Variants in FRMD4B observed in about 807,000 individuals in gnomAD.
The protein encoded by FRMD4B is FERM domain-containing protein 4B.
Under a neutral mutation model 141.5 loss-of-function variants are expected in FRMD4B, and 74 were observed. The observed-to-expected ratio is 0.52, with a 90% CI of 0.43 to 0.63. FRMD4B has a LOEUF of 0.63. Ranked by LOEUF, FRMD4B falls within the 30% of genes least tolerant of loss-of-function variation. The pLI is 0.00. For synonymous variants in FRMD4B, 506 were observed against 467.9 expected (o/e 1.08, Z -1.05); for missense variants, 1,366 against 1,253.4 (o/e 1.09, Z -1.36).
In FRMD4B at chr3:69,237,079, T is replaced by C. The variant is rs560064540; in HGVS notation, c.581+12147A>G. Among the ~76,000 whole-genome samples the C allele has an allele frequency of 3.9e-5, 6 of 152,336 alleles. No homozygotes were observed. In the South Asian group the frequency reaches 1.2e-3, roughly 32 times the overall value. On this transcript the variant is annotated intron_variant, in intron 7 of 22. Coordinates refer to ENST00000398540, the MANE Select transcript of FRMD4B (RefSeq NM_015123.3). ...CACAGATGAGAGAAACAAGACCCACTGAAGTTTGAAAACTTACCAAAGTTC... is the reference window on the plus strand; with the variant it reads ...CACAGATGAGAGAAACAAGACCCACCGAAGTTTGAAAACTTACCAAAGTTC...
intron 2 of FRMD4B, among the ~76,000 whole-genome samples, chr3:69,430,166 G>A (rs1705156084): frequency 1.3e-5 from 2 of 152,130 alleles, no homozygotes; most frequent in Admixed American, 6.5e-5. Flanking sequence ...TATTGAGTAG[G>A]AATGCACACA....
chr3:69,219,816 C>G (rs1324228441), intron 9 of FRMD4B, among the ~76,000 whole-genome samples: 1 of 152,138 alleles, frequency 6.6e-6, no homozygotes, highest in Non-Finnish European at 1.5e-5. Flanking sequence ...TGTTCTCCTC[C>G]CTGTCTCCAT....
chr3:69,201,925 C>T (rs1248236957), intron 11 of FRMD4B, among the ~76,000 whole-genome samples: 3 of 152,182 alleles, frequency 2.0e-5, no homozygotes, highest in South Asian at 4.1e-4. Flanking sequence ...GTGGGTTGGC[C>T]GGGCGCAGTG....
chr3:69,185,755 A>G (rs928735971), intron 19 of FRMD4B, among the ~76,000 whole-genome samples: 4 of 152,168 alleles, frequency 2.6e-5, no homozygotes, highest in Admixed American at 6.5e-5. Flanking sequence ...TAAGTACTCA[A>G]TAGCGGCCAG....
At chr3:69,302,267 TA>T in intron 4 of FRMD4B, 75 bp downstream of exon 4, 1 of 751,276 alleles carries the variant, frequency 1.3e-6, no homozygotes, top group African/African-American at 1.7e-5. Flanking sequence ...ATGTAAAAAA[TA>T]GCAAAGAAAA....
rs560512728 is a variant in FRMD4B at position 69,454,633 on chromosome 3, C to T, written c.-128-21872G>A. Among the ~76,000 whole-genome samples the T allele has an allele frequency of 1.2e-4, 19 of 152,332 alleles. No individual in the cohort carries two copies. The East Asian group carries it at 2.3e-3, about 19-fold the overall frequency. The stretch of plus-strand genomic sequence containing the variant: ...TCCCCCAGCACTGCCGGCCCGCCCA[C>T]GCCACACTCTAATTCTGGCCAGGCC... On this transcript the variant is annotated intron_variant, in intron 1 of 5. Coordinates refer to the FRMD4B transcript ENST00000459638.
At chr3:69,357,536 G>T (rs1367266918) in intron 1 of FRMD4B, among the ~76,000 whole-genome samples, 1 of 152,218 alleles carries the variant, frequency 6.6e-6, no homozygotes, top group Non-Finnish European at 1.5e-5. Flanking sequence ...TGACTTTGTG[G>T]AGGGTTTTAT....
intron 1 of FRMD4B, among the ~76,000 whole-genome samples, chr3:69,520,622 G>C (rs902787004): frequency 1.3e-5 from 2 of 151,800 alleles, no homozygotes; most frequent in African/African-American, 4.8e-5. Flanking sequence ...GAAACCCTTG[G>C]CCAAAAGGGG....
At chr3:69,390,024 G>A (rs1704347716), upstream of FRMD4B, among the ~76,000 whole-genome samples, 1 of 152,010 alleles carries the variant, frequency 6.6e-6, no homozygotes, top group African/African-American at 2.4e-5. Context: ...TGCTTCGGGT[G>A]GCAGCATTAC....
intron 1 of FRMD4B, among the ~76,000 whole-genome samples, chr3:69,383,783 C>T (rs1364652081): frequency 6.6e-6 from 1 of 152,170 alleles, no homozygotes; most frequent in African/African-American, 2.4e-5. Context: ...TGGTCTTGAA[C>T]TCCTGGGCTC....
At chr3:69,408,999 G>C (rs1308332125) in intron 2 of FRMD4B, among the ~76,000 whole-genome samples, 1 of 152,122 alleles carries the variant, frequency 6.6e-6, no homozygotes, top group East Asian at 1.9e-4. Context: ...GCTTGGCTTG[G>C]CATCTGTAAA....
intron 1 of FRMD4B, among the ~76,000 whole-genome samples, chr3:69,331,037 G>A (rs909678018): frequency 2.7e-5 from 4 of 150,254 alleles, no homozygotes; most frequent in African/African-American, 1.0e-4. Context: ...AGGAACGAAC[G>A]TGTCTTGTGA....
At chr3:69,454,877 G>A (rs1001255875) in intron 1 of FRMD4B, among the ~76,000 whole-genome samples, 3 of 152,264 alleles carry the variant, frequency 2.0e-5, no homozygotes, top group African/African-American at 2.4e-5. Flanking sequence ...CACTAGGGAA[G>A]TCAGCTGGAC....
At chr3:69,404,066 A>T (rs1437927862) in intron 2 of FRMD4B, among the ~76,000 whole-genome samples, 2 of 152,092 alleles carry the variant, frequency 1.3e-5, no homozygotes, top group East Asian at 3.9e-4. Context: ...TGGCTGTTTA[A>T]AAAAATGTTT....
At chr3:69,351,012 T>C (rs1703128254) in intron 1 of FRMD4B, among the ~76,000 whole-genome samples, 1 of 151,106 alleles carries the variant, frequency 6.6e-6, no homozygotes, top group African/African-American at 2.4e-5. Flanking sequence ...AATGAGAAAA[T>C]AAACCAATAC....
At chr3:69,265,265 A>AT (rs2093553875) in intron 5 of FRMD4B, among the ~76,000 whole-genome samples, 1 of 17,980 alleles carries the variant, frequency 5.6e-5, no homozygotes, top group Admixed American at 7.9e-4. Flanking sequence ...AAAAAAAAAA[A>AT]AAAAATATAT....
intron 11 of FRMD4B, among the ~76,000 whole-genome samples, chr3:69,210,623 T>A (rs2093066436): frequency 6.6e-6 from 1 of 152,178 alleles, no homozygotes; most frequent in African/African-American, 2.4e-5. Flanking sequence ...AATTTTGGAT[T>A]AAAAATTTTT....
intron 1 of FRMD4B, among the ~76,000 whole-genome samples, chr3:69,527,846 A>G (rs1389757615): frequency 6.6e-6 from 1 of 152,232 alleles, no homozygotes; most frequent in Non-Finnish European, 1.5e-5. Context: ...CTCCTTAGGC[A>G]GGTCAAAACA....
At chr3:69,175,181 T>C (rs562480018) in intron 22 of FRMD4B, among the ~76,000 whole-genome samples, 1 of 152,302 alleles carries the variant, frequency 6.6e-6, no homozygotes, top group African/African-American at 2.4e-5. Context: ...CCTTTATAAG[T>C]TGTAGTCTGT....
Sources: allele counts gnomAD v4.1 joint callset (sites outside exome capture counted in the v4.1 genomes callset), GRCh38; gene constraint gnomAD v4.1.1; transcripts MANE v1.5; gene names NCBI Gene and HGNC (gene_info 2026-07-23, HGNC 2026-07-21).